The following SIPA1L1 variants were observed in gnomAD, a reference collection of about 807,000 sequenced individuals.
SIPA1L1 encodes the protein signal-induced proliferation-associated 1-like protein 1.
Under a neutral mutation model 162.7 loss-of-function variants are expected in SIPA1L1, and 26 were observed. The observed-to-expected ratio is 0.16, with a 90% CI of 0.12 to 0.22. The LOEUF is 0.22. SIPA1L1 is among the 10% of genes least tolerant of loss of function. The pLI, the probability that SIPA1L1 is intolerant of heterozygous loss-of-function variation, is 1.00. For synonymous variants in SIPA1L1, 829 were observed against 837.4 expected, an observed-to-expected ratio of 0.99 and a Z score of 0.17; for missense variants, 1,874 against 2,241.0, an observed-to-expected ratio of 0.84 and a Z score of 3.31.
At chr14:71,389,803 C>T (rs776676766) in intron 2 of SIPA1L1, among the ~76,000 whole-genome samples, 9 of 152,184 alleles carry the variant, frequency 5.9e-5, no homozygotes, top group Non-Finnish European at 1.2e-4. Flanking sequence ...ACCCTTTCCT[C>T]GGTCTGACAT....
At chr14:71,628,398 C>T (rs1256513798) in intron 7 of SIPA1L1, among the ~76,000 whole-genome samples, 2 of 152,208 alleles carry the variant, frequency 1.3e-5, no homozygotes, top group Non-Finnish European at 2.9e-5. Context: ...GAAATAGGAG[C>T]TGTTGATAAT....
At chr14:71,320,931 C>T (rs1054079960) in intron 1 of SIPA1L1, among the ~76,000 whole-genome samples, 191 bp from the exon 2 acceptor site, 6 of 152,022 alleles carry the variant, frequency 3.9e-5, no homozygotes, top group African/African-American at 1.4e-4. Context: ...CCCGCCGGCC[C>T]CCCGCCAGCC....
chr14:71,539,285 A>T (rs78094809), intron 4 of SIPA1L1, among the ~76,000 whole-genome samples: 4 of 152,132 alleles, frequency 2.6e-5, no homozygotes, highest in Admixed American at 2.0e-4. Flanking sequence ...TGTCTTTACT[A>T]TATTACTCTT....
intron 2 of SIPA1L1, among the ~76,000 whole-genome samples, chr14:71,483,699 G>C (rs1237479873): frequency 1.3e-5 from 2 of 152,122 alleles, no homozygotes; most frequent in Non-Finnish European, 2.9e-5. Context: ...TGTACAAAAA[G>C]CATGTCTAAC....
chr14:71,517,051 A>G (rs1411973800), intron 3 of SIPA1L1, among the ~76,000 whole-genome samples: 1 of 151,492 alleles, frequency 6.6e-6, no homozygotes, highest in Non-Finnish European at 1.5e-5. Context: ...AAGAGTTTTA[A>G]TTGAAGTTTG....
intron 4 of SIPA1L1, chr14:71,586,780 G>A (rs986675705): frequency 6.6e-6 from 1 of 152,208 alleles, no homozygotes; most frequent in Admixed American, 6.5e-5. Context: ...TAGCACTGAT[G>A]GGGTGGAGTA....
intron 16 of SIPA1L1, among the ~76,000 whole-genome samples, chr14:71,706,642 C>T (rs1382437453): frequency 6.6e-6 from 1 of 152,178 alleles, no homozygotes; most frequent in Non-Finnish European, 1.5e-5. Context: ...GGCTTTATTA[C>T]AGCACTTAGT....
At chr14:71,542,145 C>T (rs939769495) in intron 4 of SIPA1L1, among the ~76,000 whole-genome samples, 2 of 152,070 alleles carry the variant, frequency 1.3e-5, no homozygotes, top group Admixed American at 6.6e-5. Flanking sequence ...AGTGCACAGT[C>T]GTAGTTCACT....
At chr14:71,692,152 G>A (rs975418028) in intron 13 of SIPA1L1, among the ~76,000 whole-genome samples, 1 of 152,140 alleles carries the variant, frequency 6.6e-6, no homozygotes. Flanking sequence ...ACTGGGGACA[G>A]AATTTAATCT....
At chr14:71,436,707 T>C (rs1272726930) in intron 2 of SIPA1L1, among the ~76,000 whole-genome samples, 2 of 151,928 alleles carry the variant, frequency 1.3e-5, no homozygotes, top group African/African-American at 4.8e-5. Flanking sequence ...TTTTTATAAT[T>C]GCCCTCATTG....
chr14:71,477,819 T>G (rs1190314878), intron 2 of SIPA1L1, among the ~76,000 whole-genome samples: 1 of 152,152 alleles, frequency 6.6e-6, no homozygotes, highest in African/African-American at 2.4e-5. Context: ...TGTGAACATT[T>G]GTGTTTTAGT....
intron 22 of SIPA1L1, 67 bp downstream of exon 22, chr14:71,735,458 G>A (rs912599702): frequency 3.0e-5 from 34 of 1,128,254 alleles, no homozygotes; most frequent in Non-Finnish European, 4.4e-5. Context: ...GCATCTGTGG[G>A]GAGAAGAGAT....
intron 4 of SIPA1L1, among the ~76,000 whole-genome samples, chr14:71,576,045 C>A (rs527551035): frequency 6.6e-6 from 1 of 152,144 alleles, no homozygotes; most frequent in Non-Finnish European, 1.5e-5. Flanking sequence ...GCTGAAAGCA[C>A]GTAACTTTTA....
chr14:71,619,861 A>G (rs905405551), intron 6 of SIPA1L1, among the ~76,000 whole-genome samples: 2 of 152,180 alleles, frequency 1.3e-5, no homozygotes, highest in Non-Finnish European at 2.9e-5. Flanking sequence ...TAAAGACAAG[A>G]CTTAAATATC....
At chr14:71,674,569 T>G (rs904640812) in intron 12 of SIPA1L1, among the ~76,000 whole-genome samples, 3 of 149,782 alleles carry the variant, frequency 2.0e-5, no homozygotes, top group East Asian at 1.9e-4. Context: ...TGTTTTTTTT[T>G]GTTTTTTTTT....
At chr14:71,723,504 G>A (rs2083935459) in intron 17 of SIPA1L1, 143 bp from the exon 18 acceptor site, 2 of 850,790 alleles carry the variant, frequency 2.4e-6, no homozygotes, top group Admixed American at 2.7e-5. Context: ...AGAAAGCCAG[G>A]AAGGCCAGCC....
chr14:71,347,304 G>GT (rs1214127041), intron 2 of SIPA1L1, among the ~76,000 whole-genome samples: 1 of 151,858 alleles, frequency 6.6e-6, no homozygotes, highest in Non-Finnish European at 1.5e-5. Context: ...TGTTTTCAGG[G>GT]TTTGTACATG....
chr14:71,721,101 C>T (rs1026916447), intron 17 of SIPA1L1, among the ~76,000 whole-genome samples: 1 of 152,156 alleles, frequency 6.6e-6, no homozygotes, highest in African/African-American at 2.4e-5. Context: ...AAAGGCTTTC[C>T]GTGTATTCAA....
chr14:71,363,884 T>A (rs1364014261), intron 2 of SIPA1L1, among the ~76,000 whole-genome samples: 1 of 152,152 alleles, frequency 6.6e-6, no homozygotes, highest in Admixed American at 6.5e-5. Flanking sequence ...CTTAATCAGA[T>A]CCTGTAATTA....
Sources: gnomAD v4.1 joint callset for allele counts (sites outside exome capture counted in the v4.1 genomes callset) on GRCh38, gnomAD v4.1.1 for gene constraint, MANE v1.5 for transcripts, NCBI Gene and HGNC (gene_info 2026-07-23, HGNC 2026-07-21) for gene names.